SDCCAG8: variants seen among roughly 807,000 people sequenced by gnomAD.
SDCCAG8 encodes the protein serologically defined colon cancer antigen 8.
Under a neutral mutation model 101.8 loss-of-function variants are expected in SDCCAG8, and 74 were observed. That is an observed-to-expected ratio of 0.73 (90% confidence interval 0.60 to 0.88). SDCCAG8 has a LOEUF of 0.88. Ranked by LOEUF, SDCCAG8 falls within the 40% of genes least tolerant of loss-of-function variation. The pLI, the probability that SDCCAG8 is intolerant of heterozygous loss-of-function variation, is 0.00. For missense variants in SDCCAG8, 787 were observed against 822.6 expected (o/e 0.96, Z 0.53); for synonymous variants, 281 against 292.9 (o/e 0.96, Z 0.41).
chr1:243,324,043 C>T (rs1262447436), intron 9 of SDCCAG8, among the ~76,000 whole-genome samples: 1 of 152,154 alleles, frequency 6.6e-6, no homozygotes, highest in Non-Finnish European at 1.5e-5. Flanking sequence ...TTTCTCCTCA[C>T]GTGGCCAAAT....
chr1:243,290,482 T>A (rs2070139184), intron 5 of SDCCAG8, among the ~76,000 whole-genome samples: 1 of 152,166 alleles, frequency 6.6e-6, no homozygotes, highest in East Asian at 1.9e-4. Context: ...AAAACAACTT[T>A]AAATGCAATC....
Position 243,378,794 on chromosome 1 carries a change from T to C in SDCCAG8, c.1547T>C (p.Leu516Pro). Reference sequence around the variant, plus strand: ...GAACAGGAGCAGCAGAAGGCAGCCCTGGCCAGAGAGGAGTGCCTGAGACTA... The same window carrying C: ...GAACAGGAGCAGCAGAAGGCAGCCCCGGCCAGAGAGGAGTGCCTGAGACTA... ...HLEQEQQKAA[L>P]AREECLRLTE... The change falls in exon 13 of 18, where the codon CTG becomes CCG. Residue 516 changes from leucine to proline, a missense_variant. Coordinates refer to ENST00000366541, the MANE Select transcript of SDCCAG8 (RefSeq NM_006642.5). The C allele has an allele frequency of 6.2e-7, 1 of 1,614,124 alleles. No individual in the cohort carries two copies. Among genetic ancestry groups the C allele is most frequent in the Non-Finnish European group, 8.5e-7 (1 of 1,180,006 alleles).
chr1:243,274,861 G>A (rs2068405923), intron 4 of SDCCAG8, among the ~76,000 whole-genome samples: 1 of 152,140 alleles, frequency 6.6e-6, no homozygotes, highest in Non-Finnish European at 1.5e-5. Context: ...CTGATTGCTT[G>A]ATTTCCCAGT....
rs1242852965 is a variant in SDCCAG8, at chr1:243,375,240, T to TGAAG, written c.1474-3480_1474-3477dup. 2.0e-5 allele frequency among the ~76,000 whole-genome samples: 3 copies of TGAAG among 152,182 alleles called. No homozygotes were observed. In the South Asian group the frequency reaches 6.2e-4, roughly 32 times the overall value. ...AGTATAAGTTTGTCTTTTAAAAATG[T>TGAAG]GAAGATAAACATCAGAAGAACTAAT... On this transcript the variant is annotated intron_variant, in intron 12 of 17. Transcript: ENST00000366541.
At chr1:243,413,842 G>A (rs560736759) in intron 13 of SDCCAG8, among the ~76,000 whole-genome samples, 4 of 152,216 alleles carry the variant, frequency 2.6e-5, no homozygotes, top group Admixed American at 2.0e-4. Context: ...TCTCCAGCTG[G>A]CAGAGCCATT....
At chr1:243,294,395 A>G (rs1439084237) in intron 6 of SDCCAG8, among the ~76,000 whole-genome samples, 1 of 151,656 alleles carries the variant, frequency 6.6e-6, no homozygotes, top group Non-Finnish European at 1.5e-5. Context: ...CTATTAGCTC[A>G]TGTTCAGCTA....
intron 12 of SDCCAG8, among the ~76,000 whole-genome samples, chr1:243,359,497 A>T (rs2076573962): frequency 6.6e-6 from 1 of 152,208 alleles, no homozygotes; most frequent in African/African-American, 2.4e-5. Context: ...CCCAGTCTGG[A>T]GGGAACAAGA....
intron 16 of SDCCAG8, among the ~76,000 whole-genome samples, chr1:243,431,859 T>C (rs1292777678): frequency 2.6e-5 from 4 of 152,168 alleles, no homozygotes; most frequent in African/African-American, 9.7e-5. Flanking sequence ...TTACACAGTT[T>C]TACAGGAGTT....
intron 1 of SDCCAG8, chr1:243,267,125 C>T (rs1292287498): frequency 6.4e-6 from 1 of 156,318 alleles, no homozygotes; most frequent in South Asian, 1.8e-4. Flanking sequence ...TAACTGTAGT[C>T]CCAGTTTCTC....
chr1:243,480,731 T>C (rs1663502429), intron 16 of SDCCAG8, among the ~76,000 whole-genome samples: 2 of 81,900 alleles, frequency 2.4e-5, no homozygotes, highest in African/African-American at 9.9e-5. Flanking sequence ...GTGGGATGGA[T>C]GAATGGGGGA....
chr1:243,286,211 TAATC>T (rs1389943378), intron 4 of SDCCAG8, 57 bp from the exon 5 acceptor site: 23 of 1,531,092 alleles, frequency 1.5e-5, no homozygotes, highest in South Asian at 1.1e-5. Flanking sequence ...TGCCCTCTAA[TAATC>T]AACAAATAAA....
chr1:243,484,857 A>C (rs1664463053), intron 16 of SDCCAG8, among the ~76,000 whole-genome samples: 1 of 152,146 alleles, frequency 6.6e-6, no homozygotes, highest in African/African-American at 2.4e-5. Flanking sequence ...CAGCCTGGCC[A>C]ACATCGTGAA....
intron 9 of SDCCAG8, among the ~76,000 whole-genome samples, chr1:243,329,140 C>T (rs2074412032): frequency 2.6e-5 from 4 of 152,038 alleles, no homozygotes; most frequent in Admixed American, 2.0e-4. Context: ...AAAAAGTATG[C>T]CTTTTCATTT....
In SDCCAG8 at chr1:243,272,526, CT is replaced by C. The variant is rs60132490; in HGVS notation, c.306+1467del. Among the ~76,000 whole-genome samples the C allele has an allele frequency of 6.1e-3, 933 of 152,268 alleles. 4 individuals carry two copies. The highest frequency in any genetic ancestry group is 0.021 in the African/African-American group (881 of 41,544). On this transcript the variant is annotated intron_variant, in intron 3 of 17. Transcript: ENST00000366541. ...CTCTTAAGCACAGACTGGTGGAATG[CT>C]TTTAAATCTACTAGATGAAGTTGCT...
At chr1:243,486,966 C>T (rs1462861172) in intron 16 of SDCCAG8, among the ~76,000 whole-genome samples, 2 of 152,256 alleles carry the variant, frequency 1.3e-5, no homozygotes, top group Non-Finnish European at 2.9e-5. Context: ...GCTCTCTCCA[C>T]AGGTAGGCCT....
chr1:243,467,249 G>C (rs1660340555), intron 16 of SDCCAG8, among the ~76,000 whole-genome samples: 1 of 152,340 alleles, frequency 6.6e-6, no homozygotes, highest in East Asian at 1.9e-4. Flanking sequence ...TTTAAATCCT[G>C]TTCCATGTTC....
In SDCCAG8 at chr1:243,416,698, G is replaced by A. The variant is rs1364868486; in HGVS notation, c.1744+869G>A. ...ATTTGTTCAGTCAGAGCATTATGTAGTTTCTTTCACTTTTGAGTTGTGTGT... is the reference window on the plus strand; with the variant it reads ...ATTTGTTCAGTCAGAGCATTATGTAATTTCTTTCACTTTTGAGTTGTGTGT... On this transcript the variant is annotated intron_variant, in intron 14 of 17. Coordinates refer to ENST00000366541, the MANE Select transcript of SDCCAG8 (RefSeq NM_006642.5). This position sits in a 1 kb window ranked among gnomAD's most constrained non-coding sequence, Gnocchi z 4.3. 6.6e-6 allele frequency among the ~76,000 whole-genome samples: 1 copy of A among 152,160 alleles called. No homozygotes were observed. The highest frequency in any genetic ancestry group is 1.5e-5 in the Non-Finnish European group (1 of 68,022).
At chr1:243,492,227 G>C (rs1435261091) in intron 17 of SDCCAG8, among the ~76,000 whole-genome samples, 1 of 149,436 alleles carries the variant, frequency 6.7e-6, no homozygotes, top group African/African-American at 2.5e-5. Context: ...CATCCTCCCC[G>C]CTCCCCGGCG....
chr1:243,452,369 G>T (rs1477931287), intron 16 of SDCCAG8, among the ~76,000 whole-genome samples: 2 of 140,610 alleles, frequency 1.4e-5, no homozygotes, highest in Non-Finnish European at 3.0e-5. Flanking sequence ...CTCTTTCTCT[G>T]TCATACCTTT....
Sources: gnomAD v4.1 joint callset for allele counts (sites outside exome capture counted in the v4.1 genomes callset) on GRCh38, gnomAD v4.1.1 for gene constraint, Gnocchi (gnomAD v3.1) non-coding constraint, MANE v1.5 for transcripts, NCBI Gene and HGNC (gene_info 2026-07-23, HGNC 2026-07-21) for gene names.